STK3: variants seen among roughly 807,000 people sequenced by gnomAD.
The protein encoded by STK3 is serine/threonine-protein kinase 3.
Under a neutral mutation model 58.0 loss-of-function variants are expected in STK3, and 41 were observed. That is an observed-to-expected ratio of 0.71 (90% CI 0.55 to 0.92). The LOEUF is 0.92. Ranked by LOEUF, STK3 falls within the 40% of genes least tolerant of loss-of-function variation. The pLI, the probability that STK3 is intolerant of heterozygous loss-of-function variation, is 0.00. For missense variants in STK3, 479 were observed against 602.7 expected (o/e 0.79, Z 2.15); for synonymous variants, 170 against 191.0 (o/e 0.89, Z 0.91).
intron 3 of STK3, among the ~76,000 whole-genome samples, chr8:98,766,646 G>A (rs1299153372): frequency 2.0e-5 from 3 of 152,090 alleles, no homozygotes; most frequent in Non-Finnish European, 2.9e-5. Flanking sequence ...GAACTCCTGG[G>A]CTCCTTTACC....
At chr8:98,496,982 T>A (rs746621911) in intron 10 of STK3, among the ~76,000 whole-genome samples, 146 of 152,128 alleles carry the variant, frequency 9.6e-4, no homozygotes, top group Middle Eastern at 6.8e-3. Flanking sequence ...ATAAAAAAAA[T>A]TTTTAAAGCC....
intron 6 of STK3, among the ~76,000 whole-genome samples, chr8:98,613,132 C>T (rs1817333330): frequency 6.6e-6 from 1 of 152,240 alleles, no homozygotes; most frequent in Non-Finnish European, 1.5e-5. Flanking sequence ...GGAGCCACTC[C>T]TGCTACTTGA....
At position 98,562,929 on chromosome 8, in the gene STK3, T is replaced by C. The variant is rs529390822; in HGVS notation, c.949-14768A>G. On this transcript the variant is annotated intron_variant, in intron 8 of 10. Coordinates refer to ENST00000419617, the MANE Select transcript of STK3 (RefSeq NM_006281.4). The stretch of plus-strand genomic sequence containing the variant: ...GTCTCAAAAGCAACAACAACAACAA[T>C]AACAAAAAGAGTGAACCCAATGTAT... Among the ~76,000 whole-genome samples, 5 of 124,100 alleles carry C rather than the reference T, an allele frequency of 4.0e-5. No individual in the cohort carries two copies. The South Asian group carries it at 9.9e-4, about 25-fold the overall frequency. 81.4% of individuals were successfully genotyped at this position (124,100 alleles called of 152,430 possible). A position where few individuals can be genotyped will look rare whatever the true frequency, so the allele number is the denominator to read the frequency against.
chr8:98,863,945 C>A (rs550914639), intron 3 of STK3, among the ~76,000 whole-genome samples: 4 of 151,910 alleles, frequency 2.6e-5, no homozygotes. Context: ...GCCTGTAATC[C>A]CAGCACTTTG....
intron 1 of STK3, among the ~76,000 whole-genome samples, chr8:98,797,034 C>G (rs373870052): frequency 3.9e-5 from 6 of 152,210 alleles, no homozygotes; most frequent in Admixed American, 3.9e-4. Context: ...TCAGCCTGTA[C>G]TTTGAAGTTT....
chr8:98,559,419 A>G (rs1811840836), intron 8 of STK3, among the ~76,000 whole-genome samples: 1 of 152,128 alleles, frequency 6.6e-6, no homozygotes, highest in Non-Finnish European at 1.5e-5. Flanking sequence ...AACACAGAGG[A>G]GCACTTGCCA....
At chr8:98,583,975 C>G (rs1011141259) in intron 7 of STK3, among the ~76,000 whole-genome samples, 5 of 151,766 alleles carry the variant, frequency 3.3e-5, no homozygotes, top group Admixed American at 3.3e-4. Flanking sequence ...TTAATTCAAC[C>G]TAAACCTTCT....
chr8:98,541,409 C>T (rs556702494), intron 9 of STK3, among the ~76,000 whole-genome samples: 2 of 152,124 alleles, frequency 1.3e-5, no homozygotes, highest in Non-Finnish European at 2.9e-5. Context: ...GACGTGCCAG[C>T]TTCCCCGTCC....
chr8:98,893,090 A>G (rs1052306579), intron 1 of STK3, among the ~76,000 whole-genome samples: 1 of 152,100 alleles, frequency 6.6e-6, no homozygotes, highest in Non-Finnish European at 1.5e-5. Flanking sequence ...TCCTTTCTAG[A>G]TAAAAAGAAA....
chr8:98,530,651 T>A (rs1826104428), intron 9 of STK3, among the ~76,000 whole-genome samples: 2 of 152,206 alleles, frequency 1.3e-5, no homozygotes, highest in Non-Finnish European at 2.9e-5. Context: ...CAGTGAAGTT[T>A]GCTGTATCAG....
intron 3 of STK3, among the ~76,000 whole-genome samples, chr8:98,841,593 A>C (rs149450512): frequency 1.3e-4 from 19 of 151,500 alleles, no homozygotes; most frequent in African/African-American, 4.4e-4. Context: ...TGGGAGGCTG[A>C]AGTGAGAGGA....
At chr8:98,735,496 T>C (rs1191559896) in intron 4 of STK3, among the ~76,000 whole-genome samples, 2 of 152,106 alleles carry the variant, frequency 1.3e-5, no homozygotes, top group South Asian at 2.1e-4. Context: ...ATCACAAAAA[T>C]CAGAAATTTA....
At chr8:98,560,623 A>G (rs1226025906) in intron 8 of STK3, among the ~76,000 whole-genome samples, 2 of 152,192 alleles carry the variant, frequency 1.3e-5, no homozygotes, top group East Asian at 3.9e-4. Context: ...CTTGATGTAT[A>G]GATTTCATTC....
In STK3 at chr8:98,813,784, C is replaced by T. The variant is rs117009279; in HGVS notation, c.26+11731G>A. 2.8e-4 allele frequency among the ~76,000 whole-genome samples: 43 copies of T among 152,230 alleles called. No individual in the cohort carries two copies. The East Asian group carries it at 7.7e-3, about 27-fold the overall frequency. Reference sequence around the variant, plus strand: ...TATCCCTAAGACATGTTATTACATTCGCTTTCTTAATTACTAATTACTCAA... The same window carrying T: ...TATCCCTAAGACATGTTATTACATTTGCTTTCTTAATTACTAATTACTCAA... On this transcript the variant is annotated intron_variant, in intron 1 of 10. Coordinates refer to ENST00000419617, the MANE Select transcript of STK3 (RefSeq NM_006281.4).
chr8:98,538,505 T>C (rs1305463589), intron 9 of STK3, among the ~76,000 whole-genome samples: 3 of 152,120 alleles, frequency 2.0e-5, no homozygotes, highest in Non-Finnish European at 4.4e-5. Context: ...TTATGAAGGG[T>C]TCTTTGCACA....
chr8:98,818,572 G>GTA (rs1564030574), intron 1 of STK3, among the ~76,000 whole-genome samples: 1 of 150,528 alleles, frequency 6.6e-6, no homozygotes, highest in African/African-American at 2.4e-5. Flanking sequence ...GTGTGTGTGT[G>GTA]TATCAAGATA....
At chr8:98,385,365 C>T (rs75619545) in intron 1 of STK3, among the ~76,000 whole-genome samples, 1,758 of 152,266 alleles carry the variant, frequency 0.012, 21 homozygotes, top group Non-Finnish European at 0.018. Flanking sequence ...CATGGGGTGT[C>T]CGGGAAATAA....
intron 1 of STK3, among the ~76,000 whole-genome samples, chr8:98,821,602 C>T (rs543725683): frequency 6.7e-6 from 1 of 148,620 alleles, no homozygotes; most frequent in East Asian, 2.0e-4. Context: ...GTCAAGGCTG[C>T]AGTGAGCCAT....
intron 4 of STK3, among the ~76,000 whole-genome samples, chr8:98,717,131 C>T (rs970792648): frequency 6.6e-6 from 1 of 151,132 alleles, no homozygotes; most frequent in African/African-American, 2.4e-5. Context: ...TTCTCAGATA[C>T]GACCAAAAAG....
Sources: gnomAD v4.1 joint callset for allele counts (sites outside exome capture counted in the v4.1 genomes callset) on GRCh38, gnomAD v4.1.1 for gene constraint, MANE v1.5 for transcripts, NCBI Gene and HGNC (gene_info 2026-07-23, HGNC 2026-07-21) for gene names.